The following DMD variants were observed in gnomAD, a reference collection of about 807,000 sequenced individuals.
The protein encoded by DMD is mutant dystrophin.
DMD carries 63 observed loss-of-function variants against 330.1 expected under a neutral mutation model. The ratio of observed to expected loss-of-function variants is 0.19; its 90% confidence interval spans 0.16 to 0.24. DMD has a LOEUF of 0.24. Among genes scored for constraint, DMD ranks in the 10% least tolerant of loss-of-function variants. DMD has a pLI of 1.00. For missense variants in DMD, 3,344 were observed against 2,684.1 expected, an observed-to-expected ratio of 1.25 and a Z score of -5.43; for synonymous variants, 1,223 against 959.8, an observed-to-expected ratio of 1.27 and a Z score of -5.07.
chrX:32,166,582 C>T (rs1399288261), intron 44 of DMD, among the ~76,000 whole-genome samples: 1 of 112,117 alleles, frequency 8.9e-6, no homozygotes, highest in Non-Finnish European at 1.9e-5. Context: ...TTTATTTTCT[C>T]CTTTCCTAAC....
At chrX:31,228,529 T>C (rs968525270) in intron 63 of DMD, among the ~76,000 whole-genome samples, 12 of 111,890 alleles carry the variant, frequency 1.1e-4, no homozygotes, top group Admixed American at 7.6e-4. Context: ...GTGTGTAGGA[T>C]GCACACAGAA....
At chrX:32,517,006 A>G (rs1282156673) in intron 18 of DMD, 2 of 111,572 alleles carry the variant, frequency 1.8e-5, no homozygotes, top group South Asian at 3.7e-4. Flanking sequence ...CAGCCTAAAA[A>G]ATAGATTTTT....
intron 1 of DMD, among the ~76,000 whole-genome samples, chrX:33,107,309 T>TC (rs35141396): frequency 2.7e-4 from 6 of 22,184 alleles, no homozygotes; most frequent in South Asian, 4.2e-3. Context: ...CGAAGCTCTG[T>TC]CCCCCCCCCC....
chrX:31,402,487 C>G (rs2061234372), intron 60 of DMD, among the ~76,000 whole-genome samples: 1 of 112,013 alleles, frequency 8.9e-6, no homozygotes, highest in African/African-American at 3.2e-5. Flanking sequence ...AAATTAGCTT[C>G]TCTTGGCTTC....
At chrX:32,287,122 A>C (rs183481622) in intron 43 of DMD, among the ~76,000 whole-genome samples, 26 of 111,796 alleles carry the variant, frequency 2.3e-4, no homozygotes, top group Non-Finnish European at 2.8e-4. Flanking sequence ...AAATATAAAT[A>C]AATGAAAATC....
At chrX:31,137,979 G>A (rs1299951349) in intron 76 of DMD, among the ~76,000 whole-genome samples, 1 of 111,982 alleles carries the variant, frequency 8.9e-6, no homozygotes, top group African/African-American at 3.3e-5. Flanking sequence ...AGCACAGCAA[G>A]AAGTCTAATG....
In DMD at chrX:32,380,644, T is replaced by C. The variant is rs760909622; in HGVS notation, c.4711A>G (p.Lys1571Glu). Residue 1571 changes from lysine (K) to glutamate (E), a missense_variant, in exon 34 of 79, where the codon AAA becomes GAA. Physicochemically the swap from Lys to Glu is moderately conservative, Grantham distance 56. Transcript: ENST00000357033. ...ERKQQLEKCLKLSRKMRKEMN... is the reference protein window; with the variant it reads ...ERKQQLEKCLELSRKMRKEMN... ...TCCTTTCGCATCTTACGGGACAATT[T>C]CAAGCATTTCTCCAACTGTTGCTTT... is the stretch of plus-strand genomic sequence containing the variant. 8.3e-7 allele frequency: 1 copy of C among 1,207,282 alleles called. No homozygotes were observed. Among genetic ancestry groups the C allele is most frequent in the African/African-American group, 1.7e-5 (1 of 57,189 alleles).
chrX:31,294,007 A>T (rs1170754907), intron 62 of DMD, among the ~76,000 whole-genome samples: 3 of 111,960 alleles, frequency 2.7e-5, no homozygotes, highest in African/African-American at 9.7e-5. Context: ...TCTCTACGAA[A>T]AGAAAATACA....
chrX:33,337,765 G>T, intron 1 of DMD, among the ~76,000 whole-genome samples: 1 of 111,819 alleles, frequency 8.9e-6, no homozygotes, highest in East Asian at 2.8e-4. Flanking sequence ...AATACATGTT[G>T]TTTTTAACTC....
rs1050394154 is a variant in DMD at position 31,393,487 on chromosome X, A to C, written c.9085-44853T>G. Among the ~76,000 whole-genome samples, 10 of 99,800 alleles carry C rather than the reference A, an allele frequency of 1.0e-4. No homozygotes were observed. The South Asian group carries it at 1.6e-3, about 16-fold the overall frequency. The allele number at this position is 99,800 out of a possible 115,157, so 86.7% of individuals were successfully genotyped here. A position where few individuals can be genotyped will look rare whatever the true frequency, so the allele number is the denominator to read the frequency against. ...GTGAGACTCCATCTCAAAAAAAAAA[A>C]AAAACAAAAAAAAAAAACAAACCCA... is the stretch of plus-strand genomic sequence containing the variant. On this transcript the variant is annotated intron_variant, in intron 60 of 78. Transcript: ENST00000357033.
At chrX:32,621,949 G>A (rs749101145) in intron 11 of DMD, among the ~76,000 whole-genome samples, 5 of 111,424 alleles carry the variant, frequency 4.5e-5, no homozygotes, top group Non-Finnish European at 9.4e-5. Flanking sequence ...CTAGAAATGT[G>A]TATTTTAACA....
chrX:31,390,065 A>G lies in DMD; in HGVS notation c.9085-41431T>C, dbSNP rs964783878. Among the ~76,000 whole-genome samples, 10 of 111,518 alleles carry G rather than the reference A, an allele frequency of 9.0e-5. No homozygotes were observed. The East Asian group carries it at 2.0e-3, about 22-fold the overall frequency. ...ATCACTGCTTTCTGATCAAGTATCA[A>G]TTAACATCCTCAGATAATTTGGGAG... On this transcript the variant is annotated intron_variant, in intron 60 of 78. Transcript: ENST00000357033.
chrX:32,069,526 G>A (rs2096281714), intron 44 of DMD, among the ~76,000 whole-genome samples: 2 of 111,665 alleles, frequency 1.8e-5, no homozygotes, highest in African/African-American at 6.5e-5. Context: ...CTCCAACCAA[G>A]TTTTATCTAT....
chrX:32,854,783 T>C (rs1042934265), intron 2 of DMD, among the ~76,000 whole-genome samples: 1 of 110,960 alleles, frequency 9.0e-6, no homozygotes, highest in Non-Finnish European at 1.9e-5. Context: ...CACCTAATAC[T>C]CAAACTATTG....
intron 7 of DMD, among the ~76,000 whole-genome samples, chrX:32,726,413 T>C (rs1486031576): frequency 9.0e-6 from 1 of 111,510 alleles, no homozygotes; most frequent in Admixed American, 9.6e-5. Context: ...TTATATCTAC[T>C]TGATGGTCAT....
At chrX:32,012,154 C>T (rs1312737374) in intron 44 of DMD, among the ~76,000 whole-genome samples, 8 of 112,234 alleles carry the variant, frequency 7.1e-5, no homozygotes, top group Non-Finnish European at 1.5e-4. Flanking sequence ...TGCCTTCAGT[C>T]TCTTTCCCTT....
intron 60 of DMD, among the ~76,000 whole-genome samples, chrX:31,382,213 C>T (rs1256854788): frequency 8.9e-6 from 1 of 111,841 alleles, no homozygotes; most frequent in Non-Finnish European, 1.9e-5. Context: ...ACTTTTACCA[C>T]TTGCCCTTCT....
intron 60 of DMD, among the ~76,000 whole-genome samples, chrX:31,411,956 C>T (rs1037454988): frequency 9.1e-5 from 10 of 109,844 alleles, no homozygotes; most frequent in African/African-American, 2.6e-4. Flanking sequence ...GAGGTCGAGG[C>T]GGGCGAGTCA....
intron 60 of DMD, among the ~76,000 whole-genome samples, chrX:31,355,966 C>G (rs777477541): frequency 9.0e-6 from 1 of 111,271 alleles, no homozygotes; most frequent in Admixed American, 9.6e-5. Context: ...CCACCTCTAC[C>G]GGCCATCTTC....
Sources: gnomAD v4.1 joint callset for allele counts (sites outside exome capture counted in the v4.1 genomes callset) on GRCh38, gnomAD v4.1.1 for gene constraint, MANE v1.5 for transcripts, NCBI Gene and HGNC (gene_info 2026-07-23, HGNC 2026-07-21) for gene names.